The following MTSS1 variants were observed in gnomAD, a reference collection of about 807,000 sequenced individuals.
MTSS1 encodes MTSS I-BAR domain containing 1.
A neutral mutation model predicts 79.0 loss-of-function variants in MTSS1; 18 were observed. That is an observed-to-expected ratio of 0.23 (90% CI 0.16 to 0.34). The LOEUF is 0.34. MTSS1 is among the 10% of genes least tolerant of loss of function. The pLI is 1.00. For synonymous variants in MTSS1, 341 were observed against 368.6 expected (o/e 0.93, Z 0.86); for missense variants, 815 against 986.2 (o/e 0.83, Z 2.33).
intron 3 of MTSS1, 61 bp downstream of exon 3, chr8:124,699,465 A>G: frequency 6.8e-7 from 1 of 1,477,802 alleles, no homozygotes; most frequent in South Asian, 1.1e-5. Context: ...GCAGCCACCC[A>G]AGGGGAAGAG....
In MTSS1 at chr8:124,552,522, A is replaced by G. The variant is rs576628624; in HGVS notation, c.*470T>C. On this transcript the variant is annotated 3_prime_UTR_variant, in exon 14 of 14. Coordinates refer to ENST00000518547, the MANE Select transcript of MTSS1 (RefSeq NM_014751.6). The stretch of plus-strand genomic sequence containing the variant: ...TAAATGAAGATTTTACCTCTTACCC[A>G]TTTAGTTTGTACATTAAAATAACTT... The G allele has an allele frequency of 6.1e-6, 1 of 163,292 alleles. No individual in the cohort carries two copies. Among genetic ancestry groups the G allele is most frequent in the East Asian group, 1.7e-4 (1 of 5,774 alleles). The allele number at this position is 163,292 out of a possible 1,614,324, so 10.1% of individuals were successfully genotyped here. A position where few individuals can be genotyped will look rare whatever the true frequency, so the allele number is the denominator to read the frequency against.
At chr8:124,595,141 C>A (rs890636718) in intron 3 of MTSS1, among the ~76,000 whole-genome samples, 4 of 152,140 alleles carry the variant, frequency 2.6e-5, no homozygotes, top group Non-Finnish European at 5.9e-5. Context: ...GGGTTTGTAT[C>A]TTGTTTAATC....
rs762026923 is a variant in MTSS1 at position 124,585,181 on chromosome 8, G to A, written c.386-20C>T. On this transcript the variant is annotated intron_variant, in intron 5 of 13. Coordinates refer to ENST00000518547, the MANE Select transcript of MTSS1 (RefSeq NM_014751.6). ...TATATTCTAAGAGAAAGCAGAATAT[G>A]GAACAATTTTACCACTTTGCTTAAC... is the stretch of plus-strand genomic sequence containing the variant. 3.8e-6 allele frequency: 6 copies of A among 1,585,064 alleles called. No individual in the cohort carries two copies. In the East Asian group the frequency reaches 1.1e-4, roughly 30 times the overall value.
chr8:124,634,455 T>C (rs1563905400), intron 3 of MTSS1, among the ~76,000 whole-genome samples: 6 of 152,156 alleles, frequency 3.9e-5, no homozygotes, highest in African/African-American at 2.4e-5. Flanking sequence ...CAAGTCTTTA[T>C]TTAAATGAGA....
chr8:124,722,430 TC>T (rs1484973927), intron 1 of MTSS1, among the ~76,000 whole-genome samples: 1 of 152,190 alleles, frequency 6.6e-6, no homozygotes, highest in African/African-American at 2.4e-5. Context: ...TGGAGTGGAT[TC>T]TGCACTGGGA....
chr8:124,594,445 G>A (rs1253301786), intron 3 of MTSS1, among the ~76,000 whole-genome samples: 1 of 152,096 alleles, frequency 6.6e-6, no homozygotes, highest in Non-Finnish European at 1.5e-5. Flanking sequence ...CTTGAGAATC[G>A]CTTGAACCCA....
chr8:124,661,814 A>G (rs1822089091), intron 3 of MTSS1, among the ~76,000 whole-genome samples: 1 of 152,318 alleles, frequency 6.6e-6, no homozygotes, highest in African/African-American at 2.4e-5. Context: ...TGCTCAGCAT[A>G]CATTCAGGAC....
chr8:124,567,778 G>A (rs961952472), intron 7 of MTSS1: 8 of 1,528,430 alleles, frequency 5.2e-6, no homozygotes, highest in Non-Finnish European at 7.0e-6. Flanking sequence ...GTGCTCAGGG[G>A]AACAACTCAA....
chr8:124,707,400 A>AAAAC (rs1159213115), intron 1 of MTSS1, among the ~76,000 whole-genome samples: 1 of 95,242 alleles, frequency 1.0e-5, no homozygotes, highest in Non-Finnish European at 2.0e-5. Context: ...TACAAAAAAA[A>AAAAC]AAACAAACAA....
intron 1 of MTSS1, among the ~76,000 whole-genome samples, chr8:124,716,075 T>C (rs543647715): frequency 6.6e-6 from 1 of 152,104 alleles, no homozygotes; most frequent in South Asian, 2.1e-4. Flanking sequence ...AGGCACTGAG[T>C]GAGGGGTGGG....
At chr8:124,590,783 A>C (rs905090105) in intron 4 of MTSS1, among the ~76,000 whole-genome samples, 1 of 152,212 alleles carries the variant, frequency 6.6e-6, no homozygotes, top group Non-Finnish European at 1.5e-5. Context: ...GGATGCACAC[A>C]GGATACCAAG....
chr8:124,629,011 A>C (rs1815305593), intron 3 of MTSS1, among the ~76,000 whole-genome samples: 1 of 152,148 alleles, frequency 6.6e-6, no homozygotes, highest in East Asian at 1.9e-4. Flanking sequence ...GGCAGGAGGG[A>C]AATGAGTTAA....
In MTSS1 at chr8:124,552,964, A is replaced by G. The variant is rs1822764251; in HGVS notation, c.*28T>C. On this transcript the variant is annotated 3_prime_UTR_variant, in exon 14 of 14. Coordinates refer to ENST00000518547, the MANE Select transcript of MTSS1 (RefSeq NM_014751.6). Reference sequence around the variant, plus strand: ...TTAGGTTTTATTAATGAAACAGTTCATTCCCCACCGGCGCATTTCTTGTGA... The same window carrying G: ...TTAGGTTTTATTAATGAAACAGTTCGTTCCCCACCGGCGCATTTCTTGTGA... The G allele has an allele frequency of 1.3e-6, 2 of 1,599,236 alleles. No individual in the cohort carries two copies.
chr8:124,585,685 G>T (rs1830739112), intron 5 of MTSS1, among the ~76,000 whole-genome samples: 1 of 152,100 alleles, frequency 6.6e-6, no homozygotes, highest in Non-Finnish European at 1.5e-5. Flanking sequence ...TGGGATTACA[G>T]GCATGAGCCA....
chr8:124,714,746 C>T lies in MTSS1; in HGVS notation c.73-10555G>A, dbSNP rs115059897. 9.9e-4 allele frequency among the ~76,000 whole-genome samples: 151 copies of T among 152,270 alleles called. 1 individual carries two copies. Among genetic ancestry groups the T allele is most frequent in the African/African-American group, 3.6e-3 (148 of 41,556 alleles). On this transcript the variant is annotated intron_variant, in intron 1 of 13. Transcript: ENST00000518547. The stretch of plus-strand genomic sequence containing the variant: ...CTAAAGTGCTGGGATTGATTACAGG[C>T]ATGAGCCACCACTCCCAGCCTGCCC...
At chr8:124,613,336 T>C (rs1002597101) in intron 3 of MTSS1, among the ~76,000 whole-genome samples, 9 of 152,158 alleles carry the variant, frequency 5.9e-5, no homozygotes, top group African/African-American at 2.2e-4. Flanking sequence ...ATAATCCAAG[T>C]AGGATGCTGA....
chr8:124,650,546 C>A lies in MTSS1; in HGVS notation c.208+48980G>T, dbSNP rs545480346. Among the ~76,000 whole-genome samples, 13 of 152,304 alleles carry A rather than the reference C, an allele frequency of 8.5e-5. No homozygotes were observed. In the South Asian group the frequency reaches 2.7e-3, roughly 32 times the overall value. ...TTCCTCGCCCTTCTCTCCGATCCTT[C>A]CATTTTTACCCCATCTCCCCTGACA... On this transcript the variant is annotated intron_variant, in intron 3 of 13. Coordinates refer to ENST00000518547, the MANE Select transcript of MTSS1 (RefSeq NM_014751.6).
chr8:124,560,559 G>A (rs905684037), intron 10 of MTSS1, among the ~76,000 whole-genome samples: 3 of 152,162 alleles, frequency 2.0e-5, no homozygotes, highest in Non-Finnish European at 4.4e-5. Context: ...GCTGAGGTAG[G>A]AGAATTGCCT....
intron 3 of MTSS1, among the ~76,000 whole-genome samples, chr8:124,647,506 C>T (rs951943703): frequency 6.6e-6 from 1 of 152,048 alleles, no homozygotes; most frequent in African/African-American, 2.4e-5. Flanking sequence ...TAACCACAGT[C>T]ACCATGCTAT....
Sources: allele counts gnomAD v4.1 joint callset (sites outside exome capture counted in the v4.1 genomes callset), GRCh38; gene constraint gnomAD v4.1.1; transcripts MANE v1.5; gene names NCBI Gene and HGNC (gene_info 2026-07-23, HGNC 2026-07-21).